Variants in SLC8B1 observed in about 807,000 individuals in gnomAD.
The protein encoded by SLC8B1 is solute carrier family 8 member B1.
In SLC8B1, 52 loss-of-function variants were observed where a neutral mutation model predicts 63.4. That is an observed-to-expected ratio of 0.82 (90% CI 0.66 to 1.03). The LOEUF (loss-of-function observed/expected upper bound fraction) is 1.03. SLC8B1 is among the 50% of genes least tolerant of loss of function. SLC8B1 has a pLI of 0.00. For synonymous variants in SLC8B1, 336 were observed against 323.9 expected (o/e 1.04, Z -0.40); for missense variants, 657 against 741.7 (o/e 0.89, Z 1.33).
chr12:113,327,027 G>A (rs1957004555), intron 2 of SLC8B1, among the ~76,000 whole-genome samples: 1 of 152,102 alleles, frequency 6.6e-6, no homozygotes, highest in African/African-American at 2.4e-5. Context: ...CAGTCAGGCT[G>A]GGCTCCTTCC....
chr12:113,329,552 C>T lies in SLC8B1; in HGVS notation c.156+3171G>A, dbSNP rs1027526935. Among the ~76,000 whole-genome samples the T allele has an allele frequency of 3.3e-5, 5 of 152,146 alleles. No individual in the cohort carries two copies. In the South Asian group the frequency reaches 8.3e-4, roughly 25 times the overall value. On this transcript the variant is annotated intron_variant, in intron 2 of 15. Coordinates refer to ENST00000680972, the MANE Select transcript of SLC8B1 (RefSeq NM_001358345.2). The stretch of plus-strand genomic sequence containing the variant: ...CTCGCTCTGCCCTCCCCGAGCTGCA[C>T]AGCCCTCCCCCAGGTCCCTCAGGAC...
At chr12:113,321,724 G>A (rs1443029869) in intron 2 of SLC8B1, among the ~76,000 whole-genome samples, 1 of 151,080 alleles carries the variant, frequency 6.6e-6, no homozygotes, top group Non-Finnish European at 1.5e-5. Context: ...ACTTTGTTTT[G>A]TTTAACAGAA....
chr12:113,313,199 G>A (rs187043075), intron 11 of SLC8B1, among the ~76,000 whole-genome samples: 11 of 152,008 alleles, frequency 7.2e-5, no homozygotes, highest in East Asian at 3.9e-4. Context: ...AGCCACCATC[G>A]CTGGTCGGTG....
chr12:113,321,643 T>C (rs1956932121), intron 2 of SLC8B1, among the ~76,000 whole-genome samples: 1 of 152,156 alleles, frequency 6.6e-6, no homozygotes, highest in Non-Finnish European at 1.5e-5. Flanking sequence ...GGTCCCACCA[T>C]AATTAGTTTG....
chr12:113,319,562 C>A (rs1017212879), intron 7 of SLC8B1, among the ~76,000 whole-genome samples: 1 of 152,180 alleles, frequency 6.6e-6, no homozygotes, highest in Non-Finnish European at 1.5e-5. Context: ...CCACCACCCC[C>A]TTCCCTGCCC....
At chr12:113,321,623 CCT>C (rs1956931841) in intron 2 of SLC8B1, among the ~76,000 whole-genome samples, 1 of 151,992 alleles carries the variant, frequency 6.6e-6, no homozygotes, top group Admixed American at 6.6e-5. Flanking sequence ...CGTAAATCCC[CCT>C]CTCCAGTGGT....
At chr12:113,327,280 C>T (rs1957007187) in intron 2 of SLC8B1, among the ~76,000 whole-genome samples, 1 of 152,142 alleles carries the variant, frequency 6.6e-6, no homozygotes, top group Non-Finnish European at 1.5e-5. Flanking sequence ...ACTGAGCCCT[C>T]CTCTCTCATG....
rs1466434000 is a variant in SLC8B1 at position 113,316,581 on chromosome 12, T to G, written c.938A>C (p.Asp313Ala). The G allele has an allele frequency of 6.2e-7, 1 of 1,614,078 alleles. No individual in the cohort carries two copies. The highest frequency in any genetic ancestry group is 1.3e-5 in the African/African-American group (1 of 74,928). The part of the protein sequence containing the change: ...QILVRALNPL[D>A]YMKWRRKSAY... ...TGATTTCCTTCTCCACTTCATGTAA[T>G]CCAGGGGATTGAGGGCCCGGACCAG... is the stretch of plus-strand genomic sequence containing the variant. Residue 313 changes from aspartate (D) to alanine (A), a missense_variant, in exon 10 of 16, where the codon GAT becomes GCT. Coordinates refer to ENST00000680972, the MANE Select transcript of SLC8B1 (RefSeq NM_001358345.2).
In SLC8B1 at chr12:113,307,779, C is replaced by T; in HGVS notation, c.1323G>A (p.Val441=). Residue 441 remains valine, a synonymous_variant, in exon 13 of 16, where the codon GTG becomes GTA. Transcript: ENST00000680972. ...CCACACCCAGGGACCGCAAGATGTT[C>T]ACCACCTCTGTGGCGGCCGCGTTGA... ...LWINAAATEV[V]NILRSLGVVF... is the part of the protein sequence containing the mutation. The T allele has an allele frequency of 6.2e-7, 1 of 1,613,958 alleles. No individual in the cohort carries two copies.
chr12:113,313,609 C>T (rs778573726), intron 11 of SLC8B1, among the ~76,000 whole-genome samples: 27 of 151,980 alleles, frequency 1.8e-4, no homozygotes, highest in African/African-American at 2.7e-4. Context: ...GGCATGGTGG[C>T]GGGTGCCTGT....
chr12:113,310,720 A>T (rs1436042548), intron 11 of SLC8B1, among the ~76,000 whole-genome samples: 1 of 152,218 alleles, frequency 6.6e-6, no homozygotes, highest in Non-Finnish European at 1.5e-5. Context: ...AGTAGATGGC[A>T]TCGCTCCATG....
rs144868306 is a variant in SLC8B1 at position 113,304,377 on chromosome 12, C to A, written c.1501G>T (p.Val501Leu). ...AGCAGGCAGCCCAGCCCCACACCCA[C>A]GAGGATGTCTGCAGCCCAGCTCAGG... ...CFGGIIFNIL[V>L]GVGLGCLLQI... The change falls in exon 15 of 16, where the codon GTG (valine) becomes TTG (leucine). Residue 501 changes from valine (V) to leucine (L), a missense_variant. Physicochemically the swap from Val to Leu is conservative, Grantham distance 32. Transcript: ENST00000680972. The A allele has an allele frequency of 8.1e-6, 13 of 1,613,826 alleles. No homozygotes were observed. Among genetic ancestry groups the A allele is most frequent in the South Asian group, 7.7e-5 (7 of 91,088 alleles).
rs1249340717 is a variant in SLC8B1 at position 113,320,969 on chromosome 12, C to T, written c.363-62G>A. ...TAACCGGCCCCGGACCCCTATCCTT[C>T]CCCCAAACTGAGGGTGACCGAATGT... On this transcript the variant is annotated intron_variant, in intron 4 of 15. Coordinates refer to ENST00000680972, the MANE Select transcript of SLC8B1 (RefSeq NM_001358345.2). This position sits in a 1 kb window ranked among gnomAD's most constrained non-coding sequence, Gnocchi z 5.3. The T allele has an allele frequency of 2.5e-6, 4 of 1,590,044 alleles. No individual in the cohort carries two copies. Among genetic ancestry groups the T allele is most frequent in the South Asian group, 2.3e-5 (2 of 87,944 alleles).
intron 8 of SLC8B1, among the ~76,000 whole-genome samples, chr12:113,318,483 CAT>C (rs1037388474): frequency 2.1e-4 from 32 of 149,092 alleles, no homozygotes; most frequent in Middle Eastern, 3.5e-3. Flanking sequence ...TGTGCATGTA[CAT>C]GTGTGAGTTG....
chr12:113,329,817 C>G (rs932185401), intron 2 of SLC8B1, among the ~76,000 whole-genome samples: 2 of 152,188 alleles, frequency 1.3e-5, no homozygotes, highest in Non-Finnish European at 2.9e-5. Flanking sequence ...CTCTTGTGCT[C>G]TAAAGCCTCC....
chr12:113,316,445 C>A, intron 10 of SLC8B1, 81 bp downstream of exon 10: 1 of 1,528,310 alleles, frequency 6.5e-7, no homozygotes, highest in Non-Finnish European at 8.9e-7. Flanking sequence ...GGCCCTCCCC[C>A]TCGTAGAGCT....
chr12:113,306,066 CAAAAAAAAAAAAAAAA>C (rs60824560), intron 14 of SLC8B1, among the ~76,000 whole-genome samples: 4 of 18,100 alleles, frequency 2.2e-4, no homozygotes, highest in East Asian at 3.8e-3. Context: ...CCCCACCCTG[CAAAAAAAAAAAAAAAA>C]AAAAAAAAAA....
intron 2 of SLC8B1, among the ~76,000 whole-genome samples, chr12:113,324,851 A>G (rs1956977905): frequency 6.6e-6 from 1 of 151,880 alleles, no homozygotes; most frequent in Admixed American, 6.6e-5. Flanking sequence ...CTACATGCAC[A>G]CAACACCACA....
intron 9 of SLC8B1, 107 bp downstream of exon 9, chr12:113,316,835 G>T: frequency 2.0e-6 from 3 of 1,491,888 alleles, no homozygotes; most frequent in South Asian, 1.2e-5. Flanking sequence ...AGGTGGGGCC[G>T]ATTTGGAGCC....
Sources: gnomAD v4.1 joint callset for allele counts (sites outside exome capture counted in the v4.1 genomes callset) on GRCh38, gnomAD v4.1.1 for gene constraint, Gnocchi (gnomAD v3.1) non-coding constraint, MANE v1.5 for transcripts, NCBI Gene and HGNC (gene_info 2026-07-23, HGNC 2026-07-21) for gene names.